PTCHD4: variants seen among roughly 807,000 people sequenced by gnomAD.
PTCHD4 encodes the protein patched domain containing 4, also known as patched domain-containing protein 4.
PTCHD4 carries 33 observed loss-of-function variants against 58.1 expected under a neutral mutation model. The ratio of observed to expected loss-of-function variants is 0.57; its 90% CI spans 0.43 to 0.76. The LOEUF (loss-of-function observed/expected upper bound fraction) is 0.76, where lower values mean the gene tolerates loss of function less well. Ranked by LOEUF, PTCHD4 falls within the 30% of genes least tolerant of loss-of-function variation. PTCHD4 has a pLI of 0.00. For missense variants in PTCHD4, 1,058 were observed against 1,027.1 expected (o/e 1.03, Z -0.41); for synonymous variants, 478 against 409.6 (o/e 1.17, Z -2.02).
chr6:48,089,051 CAAAT>C (rs1198175744), intron 1 of PTCHD4, among the ~76,000 whole-genome samples: 11 of 151,898 alleles, frequency 7.2e-5, no homozygotes, highest in South Asian at 4.1e-4. Context: ...CATCTCAAAA[CAAAT>C]AAATAAATAA....
rs764172058 is a variant in PTCHD4 at position 47,879,086 on chromosome 6, C to T, written c.1749G>A (p.Gln583=). The T allele has an allele frequency of 6.2e-7, 1 of 1,613,048 alleles. No homozygotes were observed. The highest frequency in any genetic ancestry group is 1.3e-5 in the African/African-American group (1 of 74,884). ...AGAAGATGATATCATTTCGAAAATGCTGGAATTCTGGCTTTTTTAAAAATG... is the reference window on the plus strand; with the variant it reads ...AGAAGATGATATCATTTCGAAAATGTTGGAATTCTGGCTTTTTTAAAAATG... ...QSSFLKKPEF[Q]HFRNDIIFSK... is the part of the protein sequence containing the mutation. Residue 583 remains glutamine, a synonymous_variant, in exon 5 of 5, where the codon CAG becomes CAA. Transcript: ENST00000339488.
chr6:47,989,167 A>AT (rs1768191679), intron 4 of PTCHD4, among the ~76,000 whole-genome samples: 1 of 152,162 alleles, frequency 6.6e-6, no homozygotes. Context: ...GATTTGTGGA[A>AT]CTTTGAGCTT....
chr6:48,034,707 C>T (rs1763568339), intron 3 of PTCHD4, among the ~76,000 whole-genome samples: 2 of 152,248 alleles, frequency 1.3e-5, no homozygotes, highest in South Asian at 2.1e-4. Flanking sequence ...GATCTGCCAG[C>T]ACTTCCATCG....
chr6:47,908,968 GTCTC>G lies in PTCHD4; in HGVS notation c.899-29036_899-29033del, dbSNP rs535134144. Among the ~76,000 whole-genome samples, 342 of 152,196 alleles carry G rather than the reference GTCTC, an allele frequency of 2.2e-3. 1 individual carries two copies. The highest frequency in any genetic ancestry group is 3.5e-3 in the Non-Finnish European group (237 of 68,000). On this transcript the variant is annotated intron_variant, in intron 4 of 4. Coordinates refer to ENST00000339488, the MANE Select transcript of PTCHD4 (RefSeq NM_001384253.1). ...ACACAACGCTTTGCTCATTTAAAAAGTCTCTCTCTCAGGAATACTGCATAAATGA... is the reference window on the plus strand; with the variant it reads ...ACACAACGCTTTGCTCATTTAAAAAGTCTCTCAGGAATACTGCATAAATGA...
chr6:48,067,628 G>C (rs1378468467), intron 3 of PTCHD4, among the ~76,000 whole-genome samples: 2 of 152,056 alleles, frequency 1.3e-5, no homozygotes, highest in Non-Finnish European at 2.9e-5. Flanking sequence ...ATCAAGCCAG[G>C]CTGAAGATGT....
chr6:48,084,589 G>T (rs1765227036), intron 1 of PTCHD4, among the ~76,000 whole-genome samples: 3 of 152,038 alleles, frequency 2.0e-5, no homozygotes. Flanking sequence ...AATGACTACT[G>T]AAATATACAT....
chr6:47,938,399 C>A (rs907985572), intron 4 of PTCHD4, among the ~76,000 whole-genome samples: 1 of 152,050 alleles, frequency 6.6e-6, no homozygotes, highest in Non-Finnish European at 1.5e-5. Flanking sequence ...AACAATCTAA[C>A]AAAGAAGCAA....
chr6:47,874,292 A>G lies in PTCHD4; in HGVS notation c.*4011T>C, dbSNP rs1326642612. On this transcript the variant is annotated 3_prime_UTR_variant, in exon 5 of 5. Coordinates refer to ENST00000339488, the MANE Select transcript of PTCHD4 (RefSeq NM_001384253.1). ...AACTTTCTGTGGACTTTAGGCCCTTAAGACCAAAAGCCATGAGGCATTTAT... is the reference window on the plus strand; with the variant it reads ...AACTTTCTGTGGACTTTAGGCCCTTGAGACCAAAAGCCATGAGGCATTTAT... 1.3e-5 allele frequency among the ~76,000 whole-genome samples: 2 copies of G among 151,690 alleles called. No individual in the cohort carries two copies. The highest frequency in any genetic ancestry group is 4.8e-5 in the African/African-American group (2 of 41,360).
intron 4 of PTCHD4, among the ~76,000 whole-genome samples, chr6:48,004,932 T>A (rs910364029): frequency 1.3e-5 from 2 of 151,942 alleles, no homozygotes; most frequent in Non-Finnish European, 2.9e-5. Flanking sequence ...AAAAAAAAAA[T>A]TATTAGAATT....
chr6:47,973,746 C>T (rs1371935968), intron 4 of PTCHD4, among the ~76,000 whole-genome samples: 1 of 152,132 alleles, frequency 6.6e-6, no homozygotes, highest in Admixed American at 6.5e-5. Context: ...GAAGACCAAC[C>T]TTGGTTATAG....
chr6:48,028,259 T>TG (rs1763318277), intron 3 of PTCHD4, among the ~76,000 whole-genome samples: 1 of 145,318 alleles, frequency 6.9e-6, no homozygotes, highest in South Asian at 2.2e-4. Flanking sequence ...GTTTCTCTTT[T>TG]GTTTTTTTTG....
At chr6:47,913,515 G>A (rs1366790060) in intron 4 of PTCHD4, among the ~76,000 whole-genome samples, 1 of 152,068 alleles carries the variant, frequency 6.6e-6, no homozygotes, top group African/African-American at 2.4e-5. Flanking sequence ...TTTGAGTAAA[G>A]GTTTTGCACT....
intron 3 of PTCHD4, among the ~76,000 whole-genome samples, chr6:48,017,340 C>T (rs193222403): frequency 2.0e-4 from 31 of 152,080 alleles, no homozygotes; most frequent in Admixed American, 1.8e-3. Flanking sequence ...AAAATGAAGA[C>T]TTTAAAGCAT....
intron 4 of PTCHD4, among the ~76,000 whole-genome samples, chr6:47,964,147 AAG>A (rs1188366888): frequency 6.6e-6 from 1 of 152,192 alleles, no homozygotes; most frequent in African/African-American, 2.4e-5. Context: ...CAGGTACTGG[AAG>A]AGAGGAATGG....
intron 3 of PTCHD4, among the ~76,000 whole-genome samples, chr6:48,032,444 ATGTG>A (rs544734134): frequency 6.6e-6 from 1 of 151,322 alleles, no homozygotes; most frequent in African/African-American, 2.4e-5. Context: ...GTGCGTGTGT[ATGTG>A]TGTGTGTGTG....
At chr6:48,024,605 A>G (rs552779668) in intron 3 of PTCHD4, among the ~76,000 whole-genome samples, 5 of 152,174 alleles carry the variant, frequency 3.3e-5, no homozygotes, top group South Asian at 4.2e-4. Flanking sequence ...CCTTCACTGT[A>G]GGCATTCTAT....
chr6:48,043,415 G>A (rs1763916448), intron 3 of PTCHD4, among the ~76,000 whole-genome samples: 1 of 151,738 alleles, frequency 6.6e-6, no homozygotes, highest in African/African-American at 2.4e-5. Context: ...TTTTTATGCT[G>A]AAAGGCAGCG....
chr6:48,024,025 A>T (rs1173391084), intron 3 of PTCHD4, among the ~76,000 whole-genome samples: 1 of 152,154 alleles, frequency 6.6e-6, no homozygotes, highest in Non-Finnish European at 1.5e-5. Flanking sequence ...GTGACCTTGC[A>T]AAATTACTTA....
At chr6:48,028,366 T>G (rs931484439) in intron 3 of PTCHD4, among the ~76,000 whole-genome samples, 3 of 151,754 alleles carry the variant, frequency 2.0e-5, no homozygotes, top group African/African-American at 7.3e-5. Context: ...TCAAGAATAA[T>G]AAAGAGGAAA....
Sources: gnomAD v4.1 joint callset for allele counts (sites outside exome capture counted in the v4.1 genomes callset) on GRCh38, gnomAD v4.1.1 for gene constraint, MANE v1.5 for transcripts, NCBI Gene and HGNC (gene_info 2026-07-23, HGNC 2026-07-21) for gene names.